Variants in BRINP3 observed in about 807,000 individuals in gnomAD.
The protein encoded by BRINP3 is BMP/retinoic acid-inducible neural-specific protein 3.
A neutral mutation model predicts 71.0 loss-of-function variants in BRINP3; 19 were observed. The ratio of observed to expected loss-of-function variants is 0.27; its 90% confidence interval spans 0.19 to 0.39. BRINP3 has a LOEUF of 0.39. Ranked by LOEUF, BRINP3 falls within the 10% of genes least tolerant of loss-of-function variation. BRINP3 has a pLI of 1.00. For missense variants in BRINP3, 959 were observed against 940.8 expected (o/e 1.02, Z -0.25); for synonymous variants, 380 against 337.7 (o/e 1.13, Z -1.37).
intron 2 of BRINP3, among the ~76,000 whole-genome samples, chr1:190,315,772 A>T (rs1665838379): frequency 1.3e-5 from 2 of 152,248 alleles, no homozygotes; most frequent in South Asian, 2.1e-4. Flanking sequence ...GGATGTAAGT[A>T]TATTCCATAT....
chr1:190,467,743 T>G (rs933779556), intron 1 of BRINP3, among the ~76,000 whole-genome samples: 1 of 151,560 alleles, frequency 6.6e-6, no homozygotes, highest in Non-Finnish European at 1.5e-5. Context: ...ACTTCTAAAA[T>G]AGCCCAAACT....
At chr1:190,249,847 T>G (rs983769332) in intron 4 of BRINP3, among the ~76,000 whole-genome samples, 6 of 151,928 alleles carry the variant, frequency 3.9e-5, no homozygotes, top group Admixed American at 2.6e-4. Context: ...ATTATTAAAT[T>G]TCTTACCAAA....
intron 2 of BRINP3, among the ~76,000 whole-genome samples, chr1:190,419,753 C>T (rs1252480705): frequency 1.3e-5 from 2 of 151,198 alleles, no homozygotes; most frequent in African/African-American, 4.9e-5. Flanking sequence ...CACACATTAA[C>T]TTTCTAAGAA....
At position 190,379,293 on chromosome 1, in the gene BRINP3, A is replaced by G. The variant is rs185865075; in HGVS notation, c.236+75362T>C. Among the ~76,000 whole-genome samples, 6 of 152,326 alleles carry G rather than the reference A, an allele frequency of 3.9e-5. No homozygotes were observed. The East Asian group carries it at 1.2e-3, about 29-fold the overall frequency. ...AGTACCAGTATTCTTGGCAACTGTAATGAATATTGCTGTATAAAAGGCACA... is the reference window on the plus strand; with the variant it reads ...AGTACCAGTATTCTTGGCAACTGTAGTGAATATTGCTGTATAAAAGGCACA... On this transcript the variant is annotated intron_variant, in intron 2 of 7. Coordinates refer to ENST00000367462, the MANE Select transcript of BRINP3 (RefSeq NM_199051.3).
intron 2 of BRINP3, among the ~76,000 whole-genome samples, chr1:190,394,240 C>G (rs938763498): frequency 6.6e-6 from 1 of 151,490 alleles, no homozygotes; most frequent in Non-Finnish European, 1.5e-5. Flanking sequence ...ACTTCTCTCT[C>G]TTTTCACTTA....
chr1:190,192,211 A>G (rs1162123157), intron 6 of BRINP3, among the ~76,000 whole-genome samples: 1 of 152,128 alleles, frequency 6.6e-6, no homozygotes, highest in African/African-American at 2.4e-5. Flanking sequence ...CTTTTAAAAA[A>G]GGCTTAAGCA....
chr1:190,376,504 G>A (rs1670191492), intron 2 of BRINP3, among the ~76,000 whole-genome samples: 2 of 152,104 alleles, frequency 1.3e-5, no homozygotes, highest in Admixed American at 6.6e-5. Flanking sequence ...TGTGGAAGAC[G>A]CTGCTGTAAG....
chr1:190,438,252 C>A (rs1674594156), intron 2 of BRINP3, among the ~76,000 whole-genome samples: 1 of 151,006 alleles, frequency 6.6e-6, no homozygotes, highest in Non-Finnish European at 1.5e-5. Flanking sequence ...TATAAAAATA[C>A]CTAAAATATT....
intron 3 of BRINP3, among the ~76,000 whole-genome samples, chr1:190,274,247 G>T (rs1445532679): frequency 6.6e-6 from 1 of 151,250 alleles, no homozygotes; most frequent in Non-Finnish European, 1.5e-5. Flanking sequence ...TAAAATTTGT[G>T]TCTTTTTTTT....
intron 2 of BRINP3, among the ~76,000 whole-genome samples, chr1:190,346,016 G>A (rs1276069285): frequency 6.6e-6 from 1 of 151,842 alleles, no homozygotes; most frequent in Non-Finnish European, 1.5e-5. Context: ...TAGATAAAAT[G>A]GAAAATAGTG....
chr1:190,147,925 T>G (rs965502076), intron 7 of BRINP3, among the ~76,000 whole-genome samples: 1 of 152,170 alleles, frequency 6.6e-6, no homozygotes, highest in East Asian at 1.9e-4. Context: ...GATAGACAAA[T>G]GCTGTAATTG....
intron 2 of BRINP3, among the ~76,000 whole-genome samples, chr1:190,433,256 T>A (rs1295019664): frequency 6.6e-6 from 1 of 152,194 alleles, no homozygotes; most frequent in African/African-American, 2.4e-5. Flanking sequence ...AGGAACCTTT[T>A]AAGAAGTATA....
At chr1:190,208,332 T>C (rs1655696154) in intron 6 of BRINP3, among the ~76,000 whole-genome samples, 1 of 151,996 alleles carries the variant, frequency 6.6e-6, no homozygotes, top group Non-Finnish European at 1.5e-5. Context: ...GAGGCATTAA[T>C]GATAACCTCT....
intron 2 of BRINP3, among the ~76,000 whole-genome samples, chr1:190,413,487 C>A (rs1398828385): frequency 6.6e-6 from 1 of 152,154 alleles, no homozygotes; most frequent in East Asian, 1.9e-4. Flanking sequence ...TCAAGGTGGG[C>A]TATAAATCAA....
In BRINP3 at chr1:190,098,650, T is replaced by G; in HGVS notation, c.1669A>C (p.Ile557Leu). 1 of 1,614,098 alleles carries G rather than the reference T, an allele frequency of 6.2e-7. No homozygotes were observed. The highest frequency in any genetic ancestry group is 8.5e-7 in the Non-Finnish European group (1 of 1,180,006). ...VHMILGLSLQICLTKNSTLEP... is the reference protein window; with the variant it reads ...VHMILGLSLQLCLTKNSTLEP... ...AAGGTGCTGTTTTTAGTTAAGCAAA[T>G]CTGTAAAGAGAGACCCAAAATCATA... The change falls in exon 8 of 8, where the codon ATT becomes CTT. Residue 557 changes from isoleucine to leucine, a missense_variant. Ile to Leu is a conservative substitution (Grantham distance 5, BLOSUM62 2). Transcript: ENST00000367462.
intron 2 of BRINP3, among the ~76,000 whole-genome samples, chr1:190,449,561 A>ATG (rs199559182): frequency 0.019 from 2,756 of 145,280 alleles, 49 homozygotes; most frequent in Middle Eastern, 0.05. Context: ...GTATTATAGC[A>ATG]TGTATATATA....
At chr1:190,322,594 G>A (rs1013783563) in intron 2 of BRINP3, among the ~76,000 whole-genome samples, 2 of 151,946 alleles carry the variant, frequency 1.3e-5, no homozygotes, top group African/African-American at 2.4e-5. Context: ...TGCAAAGGCC[G>A]TGAACTTGAA....
At chr1:190,190,957 T>C (rs1653980538) in intron 6 of BRINP3, among the ~76,000 whole-genome samples, 1 of 152,140 alleles carries the variant, frequency 6.6e-6, no homozygotes, top group Non-Finnish European at 1.5e-5. Context: ...AAATAGCAGA[T>C]ATTATAGGCA....
At position 190,329,821 on chromosome 1, in the gene BRINP3, T is replaced by C. The variant is rs143916840; in HGVS notation, c.237-48071A>G. ...ACAGACTAATGGAACAGGTTAGAAA[T>C]CCAGAAATAAATCCACATACCTAGA... On this transcript the variant is annotated intron_variant, in intron 2 of 7. Transcript: ENST00000367462. Among the ~76,000 whole-genome samples, 290 of 151,760 alleles carry C rather than the reference T, an allele frequency of 1.9e-3. 1 individual carries two copies. Among genetic ancestry groups the C allele is most frequent in the African/African-American group, 6.1e-3 (253 of 41,450 alleles).
Sources: gnomAD v4.1 joint callset for allele counts (sites outside exome capture counted in the v4.1 genomes callset) on GRCh38, gnomAD v4.1.1 for gene constraint, MANE v1.5 for transcripts, NCBI Gene and HGNC (gene_info 2026-07-23, HGNC 2026-07-21) for gene names.